HUWE1: variants seen among roughly 807,000 people sequenced by gnomAD.
HUWE1 encodes the protein HECT, UBA and WWE domain containing E3 ubiquitin protein ligase 1.
A neutral mutation model predicts 299.4 loss-of-function variants in HUWE1; 18 were observed. The ratio of observed to expected loss-of-function variants is 0.06; its 90% CI spans 0.04 to 0.09. The LOEUF (loss-of-function observed/expected upper bound fraction) is 0.09. Ranked by LOEUF, HUWE1 falls within the 10% of genes least tolerant of loss-of-function variation. HUWE1 has a pLI of 1.00. For synonymous variants in HUWE1, 1,317 were observed against 1,286.1 expected (o/e 1.02, Z -0.51); for missense variants, 1,832 against 3,462.3 (o/e 0.53, Z 11.82).
intron 75 of HUWE1, among the ~76,000 whole-genome samples, chrX:53,539,377 G>GA (rs1222634677): frequency 1.1e-5 from 1 of 94,164 alleles, no homozygotes; most frequent in Non-Finnish European, 2.1e-5. Flanking sequence ...AAATATGGTA[G>GA]AATCAAGTCA....
At position 53,537,365 on chromosome X, in the gene HUWE1, G is replaced by C. The variant is rs1191735043; in HGVS notation, c.12137+191C>G. On this transcript the variant is annotated intron_variant, in intron 78 of 83. Transcript: ENST00000262854. ...GGAATTGTTGGGTAGCTTAGCTAAA[G>C]GGCCAGCCAGCAGGGCAGGCCCAGA... is the stretch of plus-strand genomic sequence containing the variant. The C allele has an allele frequency of 3.3e-5, 16 of 487,016 alleles. 1 individual carries two copies. The East Asian group carries it at 5.6e-4, about 17-fold the overall frequency. 40.1% of individuals were successfully genotyped at this position (487,016 alleles called of 1,213,427 possible).
intron 47 of HUWE1, among the ~76,000 whole-genome samples, chrX:53,570,045 C>T (rs1556949602): frequency 8.9e-6 from 1 of 112,585 alleles, no homozygotes; most frequent in Non-Finnish European, 1.9e-5. Context: ...CCATTTCCCA[C>T]TGCACAGCTT....
At position 53,590,509 on chromosome X, in the gene HUWE1, TA is replaced by T; in HGVS notation, c.4096-11del. 1 of 1,141,234 alleles carries T rather than the reference TA, an allele frequency of 8.8e-7. No individual in the cohort carries two copies. Among genetic ancestry groups the T allele is most frequent in the Non-Finnish European group, 1.2e-6 (1 of 831,531 alleles). 94.1% of individuals were successfully genotyped at this position (1,141,234 alleles called of 1,213,427 possible). A position where few individuals can be genotyped will look rare whatever the true frequency, so the allele number is the denominator to read the frequency against. ...CAGACATGCTGAGATCCTAGAGTGT[TA>T]AGAGAATATCCAGTAAGGATACACA... On this transcript the variant is annotated splice_polypyrimidine_tract_variant and intron_variant, in intron 34 of 83. Coordinates refer to ENST00000262854, the MANE Select transcript of HUWE1 (RefSeq NM_031407.7).
intron 60 of HUWE1, among the ~76,000 whole-genome samples, chrX:53,555,861 C>T (rs1417477029): frequency 1.8e-5 from 2 of 109,004 alleles, no homozygotes; most frequent in Non-Finnish European, 3.8e-5. Context: ...AGGTTGGTCT[C>T]GAACTCCTGA....
In HUWE1 at chrX:53,627,429, T is replaced by C. The variant is rs145143264; in HGVS notation, c.1470A>G (p.Glu490=). Residue 490 remains glutamate (E), a synonymous_variant, in exon 17 of 84, where the codon GAA becomes GAG. Transcript: ENST00000262854. The stretch of plus-strand genomic sequence containing the variant: ...AATTACCATCCATATCAGTTTCCAT[T>C]TCCTCTCCTTCTTGTGTAGTATTGG... ...QRPNTTQEGE[E]METDMDGVQC... The C allele has an allele frequency of 2.3e-5, 27 of 1,166,766 alleles. No individual in the cohort carries two copies. The Middle Eastern group carries it at 9.3e-4, about 40-fold the overall frequency.
At chrX:53,616,824 C>A in intron 21 of HUWE1, 146 bp downstream of exon 21, 1 of 485,611 alleles carries the variant, frequency 2.1e-6, no homozygotes, top group Non-Finnish European at 3.5e-6. Flanking sequence ...TGAAGTATTC[C>A]TTCTGAAGTA....
chrX:53,578,916 CCCCGCCT>C (rs1556963157), intron 43 of HUWE1, among the ~76,000 whole-genome samples: 21 of 76,839 alleles, frequency 2.7e-4, no homozygotes, highest in African/African-American at 1.1e-3. Context: ...GGGATCAGCC[CCCCGCCT>C]GGCCAGCCGC....
chrX:53,545,009 A>T lies in HUWE1; in HGVS notation c.11048+20T>A. 8.3e-7 allele frequency: 1 copy of T among 1,207,551 alleles called. No individual in the cohort carries two copies. The highest frequency in any genetic ancestry group is 1.1e-6 in the Non-Finnish European group (1 of 891,675). On this transcript the variant is annotated intron_variant, in intron 71 of 83. Coordinates refer to ENST00000262854, the MANE Select transcript of HUWE1 (RefSeq NM_031407.7). Reference sequence around the variant, plus strand: ...ATATCCCAGATTCAAGCCCCCAGCCAAAGGGTGGCTACCACCCACCTGCTC... The same window carrying T: ...ATATCCCAGATTCAAGCCCCCAGCCTAAGGGTGGCTACCACCCACCTGCTC...
chrX:53,614,527 C>T lies in HUWE1; in HGVS notation c.2261+7G>A. On this transcript the variant is annotated splice_region_variant and intron_variant, in intron 23 of 83. Coordinates refer to ENST00000262854, the MANE Select transcript of HUWE1 (RefSeq NM_031407.7). ...ATGGCTAGATGATCTGTTCTGTAAA[C>T]ACTTACTGCTGATTAGGCTCAGTTT... 1 of 1,184,807 alleles carries T rather than the reference C, an allele frequency of 8.4e-7. No homozygotes were observed. The highest frequency in any genetic ancestry group is 1.1e-6 in the Non-Finnish European group (1 of 871,012).
At chrX:53,551,628 G>A in intron 63 of HUWE1, 148 bp from the exon 64 acceptor site, 1 of 532,073 alleles carries the variant, frequency 1.9e-6, no homozygotes, top group Non-Finnish European at 3.2e-6. Flanking sequence ...TCCTGCCTCA[G>A]CATCTTGAGT....
chrX:53,672,554 C>T (rs1256488480), intron 3 of HUWE1, among the ~76,000 whole-genome samples: 1 of 111,028 alleles, frequency 9.0e-6, no homozygotes, highest in Non-Finnish European at 1.9e-5. Context: ...CCACTGCGCC[C>T]GGCTGAGATG....
intron 3 of HUWE1, among the ~76,000 whole-genome samples, chrX:53,668,270 C>A (rs201093554): frequency 9.1e-6 from 1 of 109,291 alleles, no homozygotes; most frequent in East Asian, 2.9e-4. Flanking sequence ...GGTGAAACCC[C>A]GTCTCTACTA....
At chrX:53,571,591 G>A (rs782443362) in intron 47 of HUWE1, among the ~76,000 whole-genome samples, 7 of 111,382 alleles carry the variant, frequency 6.3e-5, no homozygotes, top group South Asian at 7.6e-4. Context: ...GACAAAGTGA[G>A]ACTCTTAAAA....
chrX:53,631,984 G>A (rs1174372386), intron 9 of HUWE1: 2 of 322,594 alleles, frequency 6.2e-6, no homozygotes, highest in Admixed American at 8.7e-5. Flanking sequence ...TGCTTTCAAG[G>A]CAATTAAGCT....
intron 34 of HUWE1, 91 bp from the exon 35 acceptor site, chrX:53,590,590 T>A: frequency 1.5e-6 from 1 of 675,199 alleles, no homozygotes; most frequent in Admixed American, 2.2e-5. Context: ...ATCAGACATC[T>A]TGTGCTCAAG....
At chrX:53,625,832 A>ACCGGGGCCGGGGCCGGGG (rs782218504) in intron 17 of HUWE1, 1 of 129,200 alleles carries the variant, frequency 7.7e-6, no homozygotes, top group African/African-American at 3.3e-5. Flanking sequence ...CGGGACCAGG[A>ACCGGGGCCGGGGCCGGGG]CCGGGGCCGG....
chrX:53,668,672 G>A (rs1324309650), intron 3 of HUWE1, among the ~76,000 whole-genome samples: 3 of 111,341 alleles, frequency 2.7e-5, no homozygotes, highest in Non-Finnish European at 5.7e-5. Context: ...AGAGTAAGCC[G>A]TATTGCTATT....
chrX:53,601,665 AT>A (rs34074990), intron 28 of HUWE1, among the ~76,000 whole-genome samples: 4,126 of 93,653 alleles, frequency 0.044, 91 homozygotes, highest in African/African-American at 0.05. Context: ...GAAATTTGGA[AT>A]TTTTTTTTTT....
intron 3 of HUWE1, among the ~76,000 whole-genome samples, chrX:53,659,164 T>C (rs1170131755): frequency 8.9e-6 from 1 of 112,425 alleles, no homozygotes; most frequent in Non-Finnish European, 1.9e-5. Flanking sequence ...AAACTACTCT[T>C]ACCACATGAC....
Sources: allele counts gnomAD v4.1 joint callset (sites outside exome capture counted in the v4.1 genomes callset), GRCh38; gene constraint gnomAD v4.1.1; transcripts MANE v1.5; gene names NCBI Gene and HGNC (gene_info 2026-07-23, HGNC 2026-07-21).